The following CACNA2D2 variants were observed in gnomAD, a reference collection of about 807,000 sequenced individuals.
CACNA2D2 encodes voltage-dependent calcium channel subunit alpha-2/delta-2.
Under a neutral mutation model 166.4 loss-of-function variants are expected in CACNA2D2, and 48 were observed. That is an observed-to-expected ratio of 0.29 (90% CI 0.23 to 0.37). The LOEUF (loss-of-function observed/expected upper bound fraction) is 0.37. CACNA2D2 is among the 10% of genes least tolerant of loss of function. CACNA2D2 has a pLI of 1.00. For synonymous variants in CACNA2D2, 561 were observed against 573.7 expected (o/e 0.98, Z 0.32); for missense variants, 1,122 against 1,433.0 (o/e 0.78, Z 3.50).
chr3:50,445,193 C>T (rs991023260), intron 2 of CACNA2D2, among the ~76,000 whole-genome samples: 4 of 152,160 alleles, frequency 2.6e-5, no homozygotes, highest in Non-Finnish European at 5.9e-5. Context: ...AGGTCATGAC[C>T]CTAAATCCTG....
At position 50,375,281 on chromosome 3, in the gene CACNA2D2, C is replaced by A. The variant is rs12489057; in HGVS notation, c.1907+363G>T. The stretch of plus-strand genomic sequence containing the variant: ...GGGCTGGCATGGGCTGTGAGGATGC[C>A]CCGGCATTTCAGGATGGACTAGCTG... On this transcript the variant is annotated intron_variant, in intron 21 of 37. Transcript: ENST00000424201. This position sits in a 1 kb window ranked among gnomAD's most constrained non-coding sequence, Gnocchi z 4.0. Among the ~76,000 whole-genome samples, 46 of 152,200 alleles carry A rather than the reference C, an allele frequency of 3.0e-4. No individual in the cohort carries two copies. The South Asian group carries it at 7.7e-3, about 25-fold the overall frequency.
chr3:50,462,245 C>T (rs1367041998), intron 2 of CACNA2D2, among the ~76,000 whole-genome samples: 1 of 151,948 alleles, frequency 6.6e-6, no homozygotes, highest in Non-Finnish European at 1.5e-5. Flanking sequence ...AAAAACGAGG[C>T]AGGTGTGGTG....
chr3:50,383,727 G>A (rs1301105958), intron 6 of CACNA2D2, among the ~76,000 whole-genome samples: 2 of 152,166 alleles, frequency 1.3e-5, no homozygotes, highest in South Asian at 2.1e-4. Context: ...GGAGGGTAGT[G>A]TCATAGGGTT....
At chr3:50,494,650 C>G (rs953718927) in intron 1 of CACNA2D2, among the ~76,000 whole-genome samples, 2 of 152,104 alleles carry the variant, frequency 1.3e-5, no homozygotes, top group African/African-American at 4.8e-5. Flanking sequence ...TGCCCCCCGA[C>G]CCATGCCATA....
Position 50,388,610 on chromosome 3 carries a change from C to T in CACNA2D2, c.466-998G>A, listed in dbSNP as rs369511997. Among the ~76,000 whole-genome samples, 196 of 152,350 alleles carry T rather than the reference C, an allele frequency of 1.3e-3. 1 individual carries two copies. The highest frequency in any genetic ancestry group is 4.4e-3 in the African/African-American group (181 of 41,582). On this transcript the variant is annotated intron_variant, in intron 4 of 37. Transcript: ENST00000424201. ...GTGGCAGGCAGAGCCAGCACTCACACCACCAGCGCAGATGTCGCCCGGACA... is the reference window on the plus strand; with the variant it reads ...GTGGCAGGCAGAGCCAGCACTCACATCACCAGCGCAGATGTCGCCCGGACA...
intron 1 of CACNA2D2, among the ~76,000 whole-genome samples, chr3:50,491,850 G>A (rs1698535801): frequency 2.0e-5 from 3 of 152,194 alleles, no homozygotes; most frequent in Admixed American, 6.5e-5. Context: ...CAATCCAGAA[G>A]CAGGACAAAG....
intron 2 of CACNA2D2, among the ~76,000 whole-genome samples, chr3:50,459,466 A>G (rs1199219290): frequency 6.6e-6 from 1 of 152,230 alleles, no homozygotes; most frequent in East Asian, 1.9e-4. Context: ...GGGATGCATC[A>G]GCCCAGGGCA....
At chr3:50,442,316 C>T (rs1708637831) in intron 2 of CACNA2D2, among the ~76,000 whole-genome samples, 1 of 152,200 alleles carries the variant, frequency 6.6e-6, no homozygotes, top group Admixed American at 6.5e-5. Flanking sequence ...AAAACAAATG[C>T]TGCAGGACCA....
chr3:50,364,639 G>A lies in CACNA2D2; in HGVS notation c.*27C>T, dbSNP rs1413474849. The A allele has an allele frequency of 2.7e-6, 4 of 1,491,954 alleles. No individual in the cohort carries two copies. Among genetic ancestry groups the A allele is most frequent in the Non-Finnish European group, 3.6e-6 (4 of 1,119,868 alleles). 92.4% of individuals were successfully genotyped at this position (1,491,954 alleles called of 1,614,324 possible). A position where few individuals can be genotyped will look rare whatever the true frequency, so the allele number is the denominator to read the frequency against. Reference sequence around the variant, plus strand: ...AAGGCGAAGAGGCCGGGTGAGGTGGGAGTGGAGGTGGGGTGGGGCAGGGTG... The same window carrying A: ...AAGGCGAAGAGGCCGGGTGAGGTGGAAGTGGAGGTGGGGTGGGGCAGGGTG... On this transcript the variant is annotated 3_prime_UTR_variant, in exon 38 of 38. Transcript: ENST00000424201.
chr3:50,473,378 C>T (rs953156775), intron 2 of CACNA2D2, among the ~76,000 whole-genome samples: 94 of 152,352 alleles, frequency 6.2e-4, no homozygotes, highest in East Asian at 1.4e-3. Flanking sequence ...GGGAGTGGGG[C>T]AGCCTCTAGG....
intron 2 of CACNA2D2, among the ~76,000 whole-genome samples, chr3:50,468,435 GT>G (rs1173570151): frequency 9.6e-5 from 14 of 146,060 alleles, no homozygotes; most frequent in Admixed American, 2.8e-4. Flanking sequence ...GTGTGTGTGT[GT>G]GTGTGGCTTT....
At chr3:50,443,244 G>A (rs763482814) in intron 2 of CACNA2D2, among the ~76,000 whole-genome samples, 1 of 152,148 alleles carries the variant, frequency 6.6e-6, no homozygotes, top group African/African-American at 2.4e-5. Context: ...TTGTGTCGGC[G>A]TCTGGGCCCC....
chr3:50,430,950 G>A (rs1708035134), intron 3 of CACNA2D2, among the ~76,000 whole-genome samples: 1 of 152,158 alleles, frequency 6.6e-6, no homozygotes. Flanking sequence ...GCTCCCTCCT[G>A]ACTCTTGGCC....
rs1705904942 is a variant in CACNA2D2, at chr3:50,391,762, C to A, written c.465+2347G>T. On this transcript the variant is annotated intron_variant, in intron 4 of 37. Transcript: ENST00000424201. ...GGTTTGCATCTGGACCTGCTGTGTG[C>A]TGTCAATACAGGGAGGGCCACACCC... Among the ~76,000 whole-genome samples the A allele has an allele frequency of 3.3e-5, 5 of 152,328 alleles. No individual in the cohort carries two copies. In the Middle Eastern group the frequency reaches 0.017, roughly 518 times the overall value.
In CACNA2D2 at chr3:50,481,440, G is replaced by T. The variant is rs531857984; in HGVS notation, c.207-5241C>A. Among the ~76,000 whole-genome samples, 3 of 152,266 alleles carry T rather than the reference G, an allele frequency of 2.0e-5. No individual in the cohort carries two copies. The East Asian group carries it at 5.8e-4, about 29-fold the overall frequency. On this transcript the variant is annotated intron_variant, in intron 1 of 37. Transcript: ENST00000424201. ...TAATCAGTCTGTGGCCTTCCCTTCAGCTTGGCAGTTCAGCCGCTGCGCTTC... is the reference window on the plus strand; with the variant it reads ...TAATCAGTCTGTGGCCTTCCCTTCATCTTGGCAGTTCAGCCGCTGCGCTTC...
chr3:50,440,418 C>T (rs1226278212), intron 2 of CACNA2D2, among the ~76,000 whole-genome samples: 1 of 152,288 alleles, frequency 6.6e-6, no homozygotes, highest in Non-Finnish European at 1.5e-5. Flanking sequence ...CACACTGCCA[C>T]CATCCCAGGC....
intron 2 of CACNA2D2, among the ~76,000 whole-genome samples, chr3:50,471,743 G>A (rs1330202219): frequency 3.3e-5 from 5 of 152,200 alleles, no homozygotes; most frequent in African/African-American, 1.2e-4. Context: ...CGAGAAAGTG[G>A]CCCTGGACAT....
intron 1 of CACNA2D2, among the ~76,000 whole-genome samples, chr3:50,491,892 G>T (rs939427541): frequency 8.5e-5 from 13 of 152,330 alleles, no homozygotes; most frequent in Admixed American, 3.3e-4. Context: ...TCTGCCCTTG[G>T]CTGACTGGCT....
At chr3:50,394,039 C>A in intron 4 of CACNA2D2, 70 bp downstream of exon 4, 1 of 1,415,430 alleles carries the variant, frequency 7.1e-7, no homozygotes, top group Non-Finnish European at 1.0e-6. Context: ...GCAGCTCCCA[C>A]CCCCCAGCAT....
Sources: gnomAD v4.1 joint callset for allele counts (sites outside exome capture counted in the v4.1 genomes callset) on GRCh38, gnomAD v4.1.1 for gene constraint, Gnocchi (gnomAD v3.1) non-coding constraint, MANE v1.5 for transcripts, NCBI Gene and HGNC (gene_info 2026-07-23, HGNC 2026-07-21) for gene names.